Variants in MARCHF10 observed in about 807,000 individuals in gnomAD.
MARCHF10 encodes probable E3 ubiquitin-protein ligase MARCHF10.
Under a neutral mutation model 76.2 loss-of-function variants are expected in MARCHF10, and 64 were observed. The observed-to-expected ratio is 0.84, with a 90% confidence interval of 0.69 to 1.03. The LOEUF is 1.03. Ranked by LOEUF, MARCHF10 falls within the 50% of genes least tolerant of loss-of-function variation. The probability of loss-of-function intolerance (pLI) is 0.00; values close to 1 mark genes in which losing one functional copy is unlikely to be tolerated. For missense variants in MARCHF10, 875 were observed against 958.0 expected (o/e 0.91, Z 1.14); for synonymous variants, 340 against 357.5 (o/e 0.95, Z 0.55).
intron 8 of MARCHF10, among the ~76,000 whole-genome samples, chr17:62,713,457 GTCTCT>G (rs2090032663): frequency 2.0e-5 from 3 of 152,196 alleles, no homozygotes; most frequent in Non-Finnish European, 1.5e-5. Flanking sequence ...AGCAGATTGT[GTCTCT>G]TCTCTGATCT....
intron 4 of MARCHF10, among the ~76,000 whole-genome samples, chr17:62,757,885 G>A (rs1251218392): frequency 1.3e-5 from 2 of 152,210 alleles, no homozygotes; most frequent in African/African-American, 4.8e-5. Flanking sequence ...AGAATGTTAA[G>A]TGAATTAATT....
At chr17:62,794,917 T>G in intron 2 of MARCHF10, 5 of 622,202 alleles carry the variant, frequency 8.0e-6, no homozygotes, top group Non-Finnish European at 1.0e-5. Context: ...TCATTAATTT[T>G]AAGAGGTCAA....
chr17:62,768,735 C>T (rs1051417668), intron 3 of MARCHF10, among the ~76,000 whole-genome samples: 3 of 152,184 alleles, frequency 2.0e-5, no homozygotes, highest in Non-Finnish European at 2.9e-5. Flanking sequence ...GACCACACTT[C>T]AAGATACTTT....
At chr17:62,775,419 C>T (rs1396406484) in intron 3 of MARCHF10, among the ~76,000 whole-genome samples, 3 of 151,876 alleles carry the variant, frequency 2.0e-5, no homozygotes, top group Admixed American at 1.3e-4. Context: ...AGCCCGGCCC[C>T]CATAGTCTTT....
intron 3 of MARCHF10, among the ~76,000 whole-genome samples, chr17:62,764,727 G>A (rs976860595): frequency 2.6e-5 from 4 of 152,304 alleles, no homozygotes; most frequent in Admixed American, 1.3e-4. Context: ...CTACCTTTAC[G>A]TAGTCATGAA....
At chr17:62,725,759 G>A (rs1271946044) in intron 6 of MARCHF10, among the ~76,000 whole-genome samples, 1 of 152,244 alleles carries the variant, frequency 6.6e-6, no homozygotes, top group Non-Finnish European at 1.5e-5. Context: ...GAGTGCATGG[G>A]ATTCGTGGTC....
At position 62,712,910 on chromosome 17, in the gene MARCHF10, AAT is replaced by A. The variant is rs1230401721; in HGVS notation, c.2215-1568_2215-1567del. Reference sequence around the variant, plus strand: ...CAGGTGTGCACCACCACGCCCAGCTAATTTTTGTATTTTTAGTAGAGATGGGG... The same window carrying A: ...CAGGTGTGCACCACCACGCCCAGCTATTTTGTATTTTTAGTAGAGATGGGG... On this transcript the variant is annotated intron_variant, in intron 8 of 10. Coordinates refer to ENST00000311269, the MANE Select transcript of MARCHF10 (RefSeq NM_152598.4). This position sits in a 1 kb window ranked among gnomAD's most constrained non-coding sequence, Gnocchi z 4.2. 6.6e-6 allele frequency among the ~76,000 whole-genome samples: 1 copy of A among 151,900 alleles called. No individual in the cohort carries two copies. Among genetic ancestry groups the A allele is most frequent in the Admixed American group, 6.6e-5 (1 of 15,248 alleles).
intron 4 of MARCHF10, among the ~76,000 whole-genome samples, chr17:62,753,602 T>C (rs543044494): frequency 7.9e-5 from 12 of 152,334 alleles, no homozygotes; most frequent in African/African-American, 2.9e-4. Flanking sequence ...CTCCTCGATA[T>C]GTGTCTCTCC....
intron 2 of MARCHF10, among the ~76,000 whole-genome samples, chr17:62,798,997 G>A (rs886336396): frequency 1.3e-5 from 2 of 152,164 alleles, no homozygotes; most frequent in African/African-American, 4.8e-5. Flanking sequence ...CTCACCTGCC[G>A]GCCTTGGGGT....
At chr17:62,733,652 C>T (rs557092980) in intron 6 of MARCHF10, among the ~76,000 whole-genome samples, 3 of 152,170 alleles carry the variant, frequency 2.0e-5, no homozygotes, top group East Asian at 1.9e-4. Context: ...GTTCATGCAG[C>T]GCCATTTGCA....
chr17:62,788,405 T>TCACA (rs113898666), intron 3 of MARCHF10, 75 bp downstream of exon 3: 38 of 1,521,860 alleles, frequency 2.5e-5, no homozygotes, highest in African/African-American at 2.1e-4. Context: ...TTTTCCTACA[T>TCACA]CACACACACA....
chr17:62,765,272 A>G (rs1483124267), intron 3 of MARCHF10, among the ~76,000 whole-genome samples: 1 of 149,124 alleles, frequency 6.7e-6, no homozygotes, highest in Non-Finnish European at 1.5e-5. Flanking sequence ...GAATTGCTTG[A>G]ACCCGGGAGG....
intron 2 of MARCHF10, among the ~76,000 whole-genome samples, chr17:62,796,812 G>A (rs1222429512): frequency 5.9e-5 from 9 of 152,122 alleles, no homozygotes; most frequent in Non-Finnish European, 1.3e-4. Context: ...AACATGGTGA[G>A]ACCCCCGTGT....
chr17:62,774,344 C>T (rs1325394669), intron 3 of MARCHF10, among the ~76,000 whole-genome samples: 2 of 152,034 alleles, frequency 1.3e-5, no homozygotes, highest in Non-Finnish European at 2.9e-5. Context: ...GGTGGCAGAT[C>T]AGGAGATGTG....
At chr17:62,779,373 C>T (rs2148058764) in intron 3 of MARCHF10, among the ~76,000 whole-genome samples, 1 of 152,326 alleles carries the variant, frequency 6.6e-6, no homozygotes, top group Non-Finnish European at 1.5e-5. Flanking sequence ...TATGCCACAT[C>T]CTAAGCCGTG....
chr17:62,793,650 T>C (rs1159024413), intron 2 of MARCHF10, among the ~76,000 whole-genome samples: 5 of 58,572 alleles, frequency 8.5e-5, no homozygotes, highest in African/African-American at 2.1e-4. Flanking sequence ...ACCACCACCA[T>C]CACACCTCCA....
chr17:62,780,240 C>T (rs562947775), intron 3 of MARCHF10, among the ~76,000 whole-genome samples: 1 of 152,198 alleles, frequency 6.6e-6, no homozygotes, highest in Non-Finnish European at 1.5e-5. Flanking sequence ...AGTTTAATGG[C>T]CACATGTGCC....
chr17:62,713,710 G>A (rs1206924931), intron 8 of MARCHF10, among the ~76,000 whole-genome samples: 1 of 152,228 alleles, frequency 6.6e-6, no homozygotes. Flanking sequence ...AGGTTTTGGA[G>A]CAGGGCTTAC....
chr17:62,736,775 C>T lies in MARCHF10; in HGVS notation c.1093G>A (p.Glu365Lys), dbSNP rs758582868. ...AACCTTTGCCCAGCAGAAGGCCGCT[C>T]TGTTGCTGGCTCCATTGCATTGCTT... ...RISNAMEPAT[E>K]RPSAGQRLSQ... The change falls in exon 6 of 11, where the codon GAG becomes AAG. Residue 365 changes from glutamate to lysine, a missense_variant. Transcript: ENST00000311269. 3.7e-6 allele frequency: 6 copies of T among 1,614,180 alleles called. No individual in the cohort carries two copies. The South Asian group carries it at 6.6e-5, about 18-fold the overall frequency.
Sources: allele counts gnomAD v4.1 joint callset (sites outside exome capture counted in the v4.1 genomes callset), GRCh38; gene constraint gnomAD v4.1.1; non-coding constraint Gnocchi (gnomAD v3.1); transcripts MANE v1.5; gene names NCBI Gene and HGNC (gene_info 2026-07-23, HGNC 2026-07-21).